Variants in USP50 observed in about 807,000 individuals in gnomAD.
The protein encoded by USP50 is ubiquitin carboxyl-terminal hydrolase 50.
Under a neutral mutation model 39.2 loss-of-function variants are expected in USP50, and 37 were observed. The ratio of observed to expected loss-of-function variants is 0.94; its 90% confidence interval spans 0.73 to 1.24. USP50 has a LOEUF of 1.24. USP50 is among the 50% of genes most tolerant of loss of function. USP50 has a pLI of 0.00. For missense variants in USP50, 374 were observed against 398.2 expected (o/e 0.94, Z 0.52); for synonymous variants, 139 against 144.5 (o/e 0.96, Z 0.27).
chr15:50,494,322 G>A, intron 1 of USP50: 1 of 1,536,802 alleles, frequency 6.5e-7, no homozygotes, highest in Non-Finnish European at 8.8e-7. Flanking sequence ...ACTCTTTAGG[G>A]TTGCTCAGTA....
At chr15:50,514,050 G>A (rs1480886508) in intron 6 of USP50, 7 of 152,100 alleles carry the variant, frequency 4.6e-5, no homozygotes, top group African/African-American at 1.7e-4. Context: ...CTAAATTGTA[G>A]TATTTTCATA....
chr15:50,506,067 C>T (rs1165081672), intron 6 of USP50: 1 of 152,166 alleles, frequency 6.6e-6, no homozygotes, highest in African/African-American at 2.4e-5. Flanking sequence ...TAACTTTAGG[C>T]TTTAAGTATG....
downstream of USP50, among the ~76,000 whole-genome samples, chr15:50,496,559 G>A (rs2052419663): frequency 6.7e-6 from 1 of 149,540 alleles, no homozygotes; most frequent in Non-Finnish European, 1.5e-5. Context: ...ATGTAGATTA[G>A]AAAGAATTAG....
chr15:50,508,069 C>CAAAAAA (rs542709964), intron 6 of USP50: 1 of 66,724 alleles, frequency 1.5e-5, no homozygotes, highest in African/African-American at 6.3e-5. Flanking sequence ...GACTCTGTCT[C>CAAAAAA]AAAAAAAAAA....
At chr15:50,506,272 C>T (rs776925533) in intron 6 of USP50, 2 of 152,284 alleles carry the variant, frequency 1.3e-5, no homozygotes, top group African/African-American at 2.4e-5. Flanking sequence ...CAGCAGGAAG[C>T]GAGCGGCAAA....
intron 5 of USP50, chr15:50,532,335 C>T (rs2052947578): frequency 2.5e-6 from 1 of 399,664 alleles, no homozygotes; most frequent in Admixed American, 2.9e-5. Context: ...CTGCTGGGGT[C>T]TTATCAGAGC....
rs564823148 is a variant in USP50 at position 50,539,118 on chromosome 15, T to G, written c.661-267A>C. On this transcript the variant is annotated intron_variant, in intron 4 of 6. Transcript: ENST00000532404. ...AATCAGTTTTTTTTGGTTTTGTTTT[T>G]TTTTTTTTTGAGATGGAGTCTCGCT... Among the ~76,000 whole-genome samples the G allele has an allele frequency of 9.7e-4, 146 of 151,064 alleles. 1 individual carries two copies. Among genetic ancestry groups the G allele is most frequent in the Non-Finnish European group, 1.5e-3 (100 of 67,704 alleles).
intron 6 of USP50, chr15:50,512,028 G>A (rs541249665): frequency 2.6e-5 from 4 of 151,928 alleles, no homozygotes; most frequent in African/African-American, 9.7e-5. Context: ...TTAAAAATAC[G>A]CAGAATAGGC....
At chr15:50,536,723 A>C (rs1020859198) in intron 5 of USP50, among the ~76,000 whole-genome samples, 2 of 152,214 alleles carry the variant, frequency 1.3e-5, no homozygotes, top group African/African-American at 4.8e-5. Context: ...TGAAATACTT[A>C]GTTATAAAAT....
At chr15:50,502,585 G>C (rs562480118) in intron 6 of USP50, 1 of 152,376 alleles carries the variant, frequency 6.6e-6, no homozygotes, top group East Asian at 1.9e-4. Flanking sequence ...GGCCAGGCTG[G>C]TCTTGAACTC....
At chr15:50,541,372 G>T (rs1047996476) in intron 3 of USP50, 108 bp from the exon 4 acceptor site, 4 of 843,676 alleles carry the variant, frequency 4.7e-6, no homozygotes, top group Non-Finnish European at 7.3e-6. Flanking sequence ...AATTAGCTAG[G>T]CATGGTGGCA....
chr15:50,510,758 A>G (rs1392821158), intron 6 of USP50: 2 of 152,224 alleles, frequency 1.3e-5, no homozygotes, highest in Admixed American at 6.5e-5. Flanking sequence ...ATGTACACCA[A>G]TGTACACCAA....
intron 6 of USP50, among the ~76,000 whole-genome samples, chr15:50,514,687 C>T (rs948192397): frequency 2.6e-5 from 4 of 152,106 alleles, no homozygotes; most frequent in African/African-American, 9.7e-5. Flanking sequence ...TGCCACCACA[C>T]CCAGCTAATT....
intron 5 of USP50, chr15:50,532,106 G>A: frequency 2.2e-6 from 1 of 456,278 alleles, no homozygotes; most frequent in Non-Finnish European, 4.4e-6. Flanking sequence ...GCTCAGTGCA[G>A]AGTCTGAGAG....
intron 6 of USP50, chr15:50,509,342 G>C (rs1172959008): frequency 6.6e-6 from 1 of 150,500 alleles, no homozygotes; most frequent in Non-Finnish European, 1.5e-5. Flanking sequence ...GACGTCAATA[G>C]TAAGATTTAG....
chr15:50,497,024 G>A, downstream of USP50: 1 of 1,534,098 alleles, frequency 6.5e-7, no homozygotes, highest in South Asian at 1.3e-5. Flanking sequence ...TAACTAAATA[G>A]GTGCTCTCTG....
At position 50,541,666 on chromosome 15, in the gene USP50, A is replaced by G. The variant is rs147717703; in HGVS notation, c.445-402T>C. On this transcript the variant is annotated intron_variant, in intron 3 of 6. Coordinates refer to ENST00000532404, the MANE Select transcript of USP50 (RefSeq NM_203494.5). ...TCATGTGTGATTTCTGATAATTCAG[A>G]TATTTTCCCGTTAGATGAAACAGAG... is the stretch of plus-strand genomic sequence containing the variant. Among the ~76,000 whole-genome samples, 372 of 152,266 alleles carry G rather than the reference A, an allele frequency of 2.4e-3. 2 individuals are homozygous for G. The highest frequency in any genetic ancestry group is 8.5e-3 in the African/African-American group (354 of 41,534).
downstream of USP50, among the ~76,000 whole-genome samples, chr15:50,496,307 C>CCAT (rs1178203814): frequency 2.6e-5 from 4 of 151,906 alleles, no homozygotes; most frequent in African/African-American, 9.7e-5. Context: ...CGGTGAAACC[C>CCAT]CATCTCTACT....
chr15:50,527,987 T>C (rs1026279769), intron 6 of USP50, among the ~76,000 whole-genome samples: 8 of 152,016 alleles, frequency 5.3e-5, no homozygotes, highest in African/African-American at 1.9e-4. Flanking sequence ...TGCAGCAAAT[T>C]CTAAACACAG....
Sources: allele counts gnomAD v4.1 joint callset (sites outside exome capture counted in the v4.1 genomes callset), GRCh38; gene constraint gnomAD v4.1.1; transcripts MANE v1.5; gene names NCBI Gene and HGNC (gene_info 2026-07-23, HGNC 2026-07-21).